Variants in PDXDC1 observed in about 807,000 individuals in gnomAD.
PDXDC1 encodes pyridoxal-dependent decarboxylase domain-containing protein 1.
In PDXDC1, 42 loss-of-function variants were observed where a neutral mutation model predicts 100.1. The observed-to-expected ratio is 0.42, with a 90% confidence interval of 0.33 to 0.54. The LOEUF is 0.54. Ranked by LOEUF, PDXDC1 falls within the 20% of genes least tolerant of loss-of-function variation. The pLI is 0.10. For missense variants in PDXDC1, 636 were observed against 979.2 expected (o/e 0.65, Z 4.68); for synonymous variants, 260 against 371.7 (o/e 0.70, Z 3.46).
At chr16:15,039,954 T>C (rs761967017), downstream of PDXDC1, 4 of 1,477,514 alleles carry the variant, frequency 2.7e-6, no homozygotes, top group African/African-American at 1.4e-5. Context: ...TTAACAAAGA[T>C]GATTTGAAAC....
intron 1 of PDXDC1, among the ~76,000 whole-genome samples, chr16:14,990,617 G>A (rs1222776718): frequency 2.0e-5 from 3 of 152,388 alleles, no homozygotes; most frequent in Non-Finnish European, 2.9e-5. Context: ...CAACAAACAC[G>A]TGAGGGTCTA....
At chr16:15,146,851 A>G in the PDXDC1 span, among the ~76,000 whole-genome samples, 1 of 151,972 alleles carries the variant, frequency 6.6e-6, no homozygotes. Context: ...TGGCTGAGCC[A>G]GGTCACTGCT....
At chr16:15,136,220 C>T in intron 16 of PDXDC1, 5 of 645,572 alleles carry the variant, frequency 7.7e-6, no homozygotes, top group Non-Finnish European at 1.3e-5. Context: ...CCATCACTGT[C>T]CCCCTTTCCA....
chr16:14,997,616 T>C, intron 1 of PDXDC1, 137 bp from the exon 2 acceptor site: 2 of 987,668 alleles, frequency 2.0e-6, no homozygotes, highest in Non-Finnish European at 2.9e-6. Flanking sequence ...TATACTTTTG[T>C]ACTATTGCAA....
At chr16:15,147,099 C>A in the PDXDC1 span, among the ~76,000 whole-genome samples, 8 of 129,580 alleles carry the variant, frequency 6.2e-5, no homozygotes, top group African/African-American at 2.5e-4. Context: ...GTGGGAGGGG[C>A]TGGCAGGGAG....
At chr16:15,141,551 C>T (rs555277057), downstream of PDXDC1, among the ~76,000 whole-genome samples, 17 of 152,238 alleles carry the variant, frequency 1.1e-4, no homozygotes, top group South Asian at 2.5e-3. Flanking sequence ...CCCTGGGCTC[C>T]GGGAGGGGAG....
intron 16 of PDXDC1, chr16:15,093,963 C>G (rs1467254806): frequency 1.6e-6 from 1 of 630,794 alleles, no homozygotes; most frequent in African/African-American, 1.9e-5. Flanking sequence ...TTTCCAGGCC[C>G]CACCCATGTC....
At chr16:15,025,623 G>C (rs1269205088) in intron 13 of PDXDC1, 5 of 152,446 alleles carry the variant, frequency 3.3e-5, no homozygotes, top group Non-Finnish European at 2.9e-5. Context: ...ACTGCTTCTT[G>C]TCTTTCCAAG....
At chr16:14,997,145 A>G (rs1176377892) in intron 1 of PDXDC1, among the ~76,000 whole-genome samples, 2 of 152,212 alleles carry the variant, frequency 1.3e-5, no homozygotes, top group Non-Finnish European at 2.9e-5. Context: ...TCCCAGAATG[A>G]ATGGTGAAAA....
At chr16:15,130,845 G>T (rs946512804) in intron 16 of PDXDC1, 2 of 750,470 alleles carry the variant, frequency 2.7e-6, no homozygotes, top group Admixed American at 2.1e-5. Flanking sequence ...CCACCCGGGG[G>T]ACACCCACGA....
chr16:15,128,229 G>T (rs766799009), intron 16 of PDXDC1: 1 of 1,611,284 alleles, frequency 6.2e-7, no homozygotes, highest in Non-Finnish European at 8.5e-7. Context: ...GACCTTTGTC[G>T]TGCCACACTC....
intron 16 of PDXDC1, among the ~76,000 whole-genome samples, chr16:15,087,432 T>C (rs2045951632): frequency 6.6e-6 from 1 of 152,150 alleles, no homozygotes; most frequent in South Asian, 2.1e-4. Flanking sequence ...TCCAAACCCG[T>C]CTGTCTCGGT....
intron 16 of PDXDC1, among the ~76,000 whole-genome samples, chr16:15,097,761 CT>C (rs1183552745): frequency 2.0e-5 from 3 of 152,030 alleles, no homozygotes; most frequent in Non-Finnish European, 4.4e-5. Context: ...CACCTTCTAC[CT>C]GCTTTCCTCC....
chr16:15,125,135 G>A, intron 16 of PDXDC1: 2 of 447,998 alleles, frequency 4.5e-6, no homozygotes, highest in South Asian at 4.4e-5. Flanking sequence ...TGACAGAATG[G>A]AATGAGACTC....
chr16:15,131,568 G>T, intron 16 of PDXDC1: 1 of 1,608,744 alleles, frequency 6.2e-7, no homozygotes, highest in Non-Finnish European at 8.5e-7. Flanking sequence ...CGTTGAGCAC[G>T]CGGGAGCGCG....
chr16:15,051,254 C>A (rs1354671554), intron 16 of PDXDC1, among the ~76,000 whole-genome samples: 1 of 152,258 alleles, frequency 6.6e-6, no homozygotes, highest in Non-Finnish European at 1.5e-5. Context: ...AAAATCATGT[C>A]TCTCTTCAAC....
chr16:15,125,709 G>C (rs1369584460), intron 16 of PDXDC1: 2 of 1,374,346 alleles, frequency 1.5e-6, no homozygotes. Flanking sequence ...GGAGGCCTGA[G>C]AACGTGAGGA....
At position 15,106,458 on chromosome 16, in the gene PDXDC1, G is replaced by GT. The variant is rs2046801561; in HGVS notation, c.1400-32420dup. 4.3e-6 allele frequency: 5 copies of GT among 1,164,464 alleles called. 1 individual carries two copies. Among genetic ancestry groups the GT allele is most frequent in the South Asian group, 4.3e-5 (3 of 70,032 alleles). The allele number at this position is 1,164,464 out of a possible 1,614,324, so 72.1% of individuals were successfully genotyped here. A position where few individuals can be genotyped will look rare whatever the true frequency, so the allele number is the denominator to read the frequency against. On this transcript the variant is annotated intron_variant, in intron 16 of 16. Coordinates refer to the PDXDC1 transcript ENST00000535621. The stretch of plus-strand genomic sequence containing the variant: ...CCTAGAAAACGTATTTCAGATGGCT[G>GT]TAAGAGTACAGTCTGAGCCGGTCAC...
intron 16 of PDXDC1, chr16:15,061,569 C>A (rs551568757): frequency 6.5e-5 from 33 of 504,974 alleles, no homozygotes; most frequent in Admixed American, 3.2e-4. Context: ...ACAACAACAA[C>A]AAAAAAACCC....
Sources: allele counts gnomAD v4.1 joint callset (sites outside exome capture counted in the v4.1 genomes callset), GRCh38; gene constraint gnomAD v4.1.1; transcripts MANE v1.5; gene names NCBI Gene and HGNC (gene_info 2026-07-23, HGNC 2026-07-21).